Variants in SLC14A2 observed in about 807,000 individuals in gnomAD.
The protein encoded by SLC14A2 is urea transporter 2.
Under a neutral mutation model 104.6 loss-of-function variants are expected in SLC14A2, and 91 were observed. That is an observed-to-expected ratio of 0.87 (90% CI 0.73 to 1.04). The LOEUF (loss-of-function observed/expected upper bound fraction) is 1.04. Ranked by LOEUF, SLC14A2 falls within the 50% of genes least tolerant of loss-of-function variation. The pLI, the probability that SLC14A2 is intolerant of heterozygous loss-of-function variation, is 0.00. For synonymous variants in SLC14A2, 476 were observed against 466.4 expected (o/e 1.02, Z -0.27); for missense variants, 1,189 against 1,156.0 (o/e 1.03, Z -0.41).
the SLC14A2 span, among the ~76,000 whole-genome samples, chr18:45,203,973 G>A: frequency 5.1e-4 from 78 of 152,322 alleles, no homozygotes; most frequent in Middle Eastern, 3.4e-3. Context: ...CAGTTTTACG[G>A]AGCTTGAAGA....
At chr18:45,418,035 C>T (rs930262381) in intron 1 of SLC14A2, among the ~76,000 whole-genome samples, 3 of 152,168 alleles carry the variant, frequency 2.0e-5, no homozygotes, top group Admixed American at 2.0e-4. Context: ...AGGGAAATAG[C>T]ACCATCCATC....
intron 10 of SLC14A2, chr18:45,647,817 G>C (rs1273313251): frequency 6.6e-6 from 1 of 151,872 alleles, no homozygotes; most frequent in Non-Finnish European, 1.5e-5. Context: ...AGTTTTATTG[G>C]ATTATGAGCA....
In SLC14A2 at chr18:45,236,665, C is replaced by A. The variant is rs942251774; in HGVS notation, c.-125+23474C>A. ...CACTTTTTCTTTTTCTTTCTTTCAT[C>A]AATGGACACTGATCTTGATTCCATA... On this transcript the variant is annotated intron_variant, in intron 1 of 20. Transcript: ENST00000586448. Among the ~76,000 whole-genome samples the A allele has an allele frequency of 2.0e-5, 3 of 151,092 alleles. 1 individual carries two copies. Among genetic ancestry groups the A allele is most frequent in the Non-Finnish European group, 4.4e-5 (3 of 67,890 alleles).
At chr18:45,185,227 G>T in the SLC14A2 span, among the ~76,000 whole-genome samples, 1 of 152,188 alleles carries the variant, frequency 6.6e-6, no homozygotes, top group Non-Finnish European at 1.5e-5. Context: ...TTTGTCACTT[G>T]TCTCAAGGGT....
the SLC14A2 span, among the ~76,000 whole-genome samples, chr18:45,190,470 G>T: frequency 5.3e-5 from 8 of 152,120 alleles, no homozygotes; most frequent in African/African-American, 1.9e-4. Context: ...CTCTGGGTGG[G>T]TCTAATAGTC....
chr18:45,338,079 T>G (rs1017864312), intron 1 of SLC14A2, among the ~76,000 whole-genome samples: 7 of 152,222 alleles, frequency 4.6e-5, no homozygotes, highest in Non-Finnish European at 1.0e-4. Flanking sequence ...TGACTTCAAG[T>G]GTATAGACAA....
intron 1 of SLC14A2, among the ~76,000 whole-genome samples, chr18:45,471,641 A>G (rs1225662609): frequency 6.6e-6 from 1 of 151,730 alleles, no homozygotes; most frequent in African/African-American, 2.4e-5. Context: ...CACTTGATCA[A>G]TCCTGTTCTT....
chr18:45,335,568 T>C (rs193210389), intron 1 of SLC14A2, among the ~76,000 whole-genome samples: 57 of 152,344 alleles, frequency 3.7e-4, no homozygotes, highest in African/African-American at 1.3e-3. Flanking sequence ...TCAATAAAGA[T>C]GGCTCTCAGC....
intron 1 of SLC14A2, among the ~76,000 whole-genome samples, chr18:45,245,430 T>G (rs1272099663): frequency 1.3e-5 from 2 of 152,212 alleles, no homozygotes; most frequent in African/African-American, 4.8e-5. Context: ...TTACCATTTC[T>G]CCCTCAGACC....
intron 2 of SLC14A2, among the ~76,000 whole-genome samples, chr18:45,551,224 T>A (rs746344545): frequency 2.0e-5 from 3 of 151,926 alleles, no homozygotes; most frequent in Non-Finnish European, 2.9e-5. Flanking sequence ...TGGGGAATTT[T>A]AAAAAAAAGA....
chr18:45,278,381 AT>A (rs2084725771), intron 1 of SLC14A2, among the ~76,000 whole-genome samples: 1 of 152,200 alleles, frequency 6.6e-6, no homozygotes, highest in South Asian at 2.1e-4. Flanking sequence ...TGGCTACCAG[AT>A]GCCAATAGCA....
intron 2 of SLC14A2, among the ~76,000 whole-genome samples, chr18:45,607,670 C>T (rs1314292582): frequency 6.6e-6 from 1 of 152,172 alleles, no homozygotes; most frequent in Non-Finnish European, 1.5e-5. Context: ...ATGATAAACA[C>T]TTATTATCTT....
intron 1 of SLC14A2, among the ~76,000 whole-genome samples, chr18:45,400,835 A>C (rs1418904358): frequency 1.3e-5 from 2 of 152,152 alleles, no homozygotes; most frequent in East Asian, 1.9e-4. Context: ...AATGGATCAT[A>C]ACTTGTTTCT....
At chr18:45,199,084 G>T in the SLC14A2 span, among the ~76,000 whole-genome samples, 15 of 152,146 alleles carry the variant, frequency 9.9e-5, no homozygotes, top group South Asian at 2.9e-3. Flanking sequence ...ACTCTTGAAG[G>T]CATAAAATTA....
chr18:45,427,018 A>G (rs2144537883), intron 1 of SLC14A2, among the ~76,000 whole-genome samples: 1 of 152,110 alleles, frequency 6.6e-6, no homozygotes, highest in African/African-American at 2.4e-5. Flanking sequence ...TTGGGGAAAT[A>G]TTTGTATTGG....
At chr18:45,682,232 C>G in intron 19 of SLC14A2, 87 bp from the exon 20 acceptor site, 1 of 1,174,290 alleles carries the variant, frequency 8.5e-7, no homozygotes, top group Non-Finnish European at 1.3e-6. Context: ...CCCTCATGTC[C>G]CCAGGGCTGT....
At chr18:45,373,080 T>C (rs2085739567) in intron 1 of SLC14A2, among the ~76,000 whole-genome samples, 1 of 152,154 alleles carries the variant, frequency 6.6e-6, no homozygotes, top group Non-Finnish European at 1.5e-5. Flanking sequence ...GACTATCTGA[T>C]GGAGTCTATT....
chr18:45,195,062 A>C, the SLC14A2 span, among the ~76,000 whole-genome samples: 1 of 152,194 alleles, frequency 6.6e-6, no homozygotes, highest in African/African-American at 2.4e-5. Context: ...CAAACGTCTC[A>C]GTTTTTCTTG....
the SLC14A2 span, among the ~76,000 whole-genome samples, chr18:45,190,923 T>C: frequency 6.6e-6 from 1 of 152,172 alleles, no homozygotes; most frequent in Admixed American, 6.6e-5. Flanking sequence ...CCATGAGGCC[T>C]TTTTTAGAAG....
Sources: gnomAD v4.1 joint callset for allele counts (sites outside exome capture counted in the v4.1 genomes callset) on GRCh38, gnomAD v4.1.1 for gene constraint, MANE v1.5 for transcripts, NCBI Gene and HGNC (gene_info 2026-07-23, HGNC 2026-07-21) for gene names.